MALRD1: variants seen among roughly 807,000 people sequenced by gnomAD.
MALRD1 encodes MAM and LDL receptor class A domain containing 1.
MALRD1 carries 247 observed loss-of-function variants against 242.1 expected under a neutral mutation model. That is an observed-to-expected ratio of 1.02 (90% CI 0.92 to 1.13). The LOEUF (loss-of-function observed/expected upper bound fraction) is 1.13, where lower values mean the gene tolerates loss of function less well. Among genes scored for constraint, MALRD1 ranks in the 50% most tolerant of loss-of-function variants. The pLI is 0.00. For synonymous variants in MALRD1, 995 were observed against 866.6 expected (o/e 1.15, Z -2.60); for missense variants, 2,989 against 2,533.1 (o/e 1.18, Z -3.86).
intron 36 of MALRD1, among the ~76,000 whole-genome samples, chr10:19,683,671 A>C (rs1024148219): frequency 6.6e-6 from 1 of 152,198 alleles, no homozygotes; most frequent in South Asian, 2.1e-4. Flanking sequence ...TTACAGCCAG[A>C]AATTTATTAT....
chr10:19,262,618 T>C (rs1016979194), intron 19 of MALRD1, among the ~76,000 whole-genome samples: 2 of 146,954 alleles, frequency 1.4e-5, no homozygotes, highest in African/African-American at 2.5e-5. Flanking sequence ...ATCATGCTAC[T>C]GCACTCCAGC....
intron 29 of MALRD1, among the ~76,000 whole-genome samples, chr10:19,459,233 G>A (rs1396897648): frequency 1.3e-5 from 2 of 152,108 alleles, no homozygotes; most frequent in Non-Finnish European, 2.9e-5. Flanking sequence ...ATAGTCTAAA[G>A]GTGTTAACCA....
chr10:19,451,909 A>G (rs566811989), intron 29 of MALRD1, among the ~76,000 whole-genome samples: 204 of 152,304 alleles, frequency 1.3e-3, no homozygotes, highest in African/African-American at 4.4e-3. Flanking sequence ...CCAGGTATCT[A>G]TGTCATGCAG....
chr10:19,219,008 G>T lies in MALRD1; in HGVS notation c.2991+9328G>T, dbSNP rs562851075. ...TTTTGACTGATGCAAATGTTACCCCGCCAGTCTGAAAAATGTGTTTATTTA... is the reference window on the plus strand; with the variant it reads ...TTTTGACTGATGCAAATGTTACCCCTCCAGTCTGAAAAATGTGTTTATTTA... On this transcript the variant is annotated intron_variant, in intron 18 of 39. Coordinates refer to ENST00000454679, the MANE Select transcript of MALRD1 (RefSeq NM_001142308.3). 7.2e-5 allele frequency among the ~76,000 whole-genome samples: 11 copies of T among 151,838 alleles called. No individual in the cohort carries two copies. In the South Asian group the frequency reaches 2.1e-3, roughly 29 times the overall value.
chr10:19,253,091 G>C (rs1839364154), intron 18 of MALRD1, among the ~76,000 whole-genome samples: 2 of 151,942 alleles, frequency 1.3e-5, no homozygotes, highest in Non-Finnish European at 2.9e-5. Flanking sequence ...GGCTAAAAGA[G>C]AGCTTCATGT....
chr10:19,244,565 A>T (rs1838954896), intron 18 of MALRD1, among the ~76,000 whole-genome samples: 1 of 146,112 alleles, frequency 6.8e-6, no homozygotes, highest in Non-Finnish European at 1.5e-5. Context: ...ACCCTGTTTC[A>T]AAAAAACAAA....
chr10:19,143,663 G>A (rs190267959), intron 10 of MALRD1, among the ~76,000 whole-genome samples: 1 of 152,320 alleles, frequency 6.6e-6, no homozygotes, highest in East Asian at 1.9e-4. Context: ...TGTGTTCTAG[G>A]AATTGGAGGT....
At chr10:19,558,144 T>G (rs1240662469) in intron 32 of MALRD1, among the ~76,000 whole-genome samples, 1 of 152,162 alleles carries the variant, frequency 6.6e-6, no homozygotes, top group Non-Finnish European at 1.5e-5. Flanking sequence ...AGGAAGTTTT[T>G]TGGTTGATTA....
intron 28 of MALRD1, among the ~76,000 whole-genome samples, chr10:19,403,107 G>T (rs1846941055): frequency 6.6e-6 from 1 of 152,072 alleles, no homozygotes; most frequent in Non-Finnish European, 1.5e-5. Flanking sequence ...AGATTTAGGG[G>T]AAATTGGAAG....
intron 35 of MALRD1, among the ~76,000 whole-genome samples, chr10:19,614,150 C>A (rs1485320491): frequency 6.6e-6 from 1 of 151,982 alleles, no homozygotes; most frequent in Non-Finnish European, 1.5e-5. Context: ...AGTCTCACAA[C>A]CCTATGAGAT....
intron 38 of MALRD1, among the ~76,000 whole-genome samples, chr10:19,702,991 AGTT>A (rs751665083): frequency 5.3e-5 from 8 of 152,130 alleles, no homozygotes; most frequent in African/African-American, 1.9e-4. Flanking sequence ...AGCCTCTTAA[AGTT>A]GTTGTTAGAG....
chr10:19,066,761 A>G lies in MALRD1; in HGVS notation c.242A>G (p.His81Arg). 2.4e-6 allele frequency: 3 copies of G among 1,233,734 alleles called. No individual in the cohort carries two copies. Among genetic ancestry groups the G allele is most frequent in the Non-Finnish European group, 3.0e-6 (3 of 988,008 alleles). The allele number at this position is 1,233,734 out of a possible 1,614,324, so 76.4% of individuals were successfully genotyped here. Reference sequence around the variant, plus strand: ...TGTGATTTTGAGGATGGTCTCTGTCATATGACTCAAGATCAGAGTCTGCAA... The same window carrying G: ...TGTGATTTTGAGGATGGTCTCTGTCGTATGACTCAAGATCAGAGTCTGCAA... ...ERCDFEDGLC[H>R]MTQDQSLQPS... is the part of the protein sequence containing the mutation. Residue 81 changes from histidine (H) to arginine (R), a missense_variant, in exon 2 of 40, where the codon CAT becomes CGT. By Grantham distance (29) the His-to-Arg change is conservative. Transcript: ENST00000454679.
At chr10:19,426,485 A>G (rs76386985) in intron 28 of MALRD1, among the ~76,000 whole-genome samples, 13,973 of 152,152 alleles carry the variant, frequency 0.092, 826 homozygotes, top group African/African-American at 0.16. Flanking sequence ...AATTTTTCCT[A>G]CTAGCCACAT....
At position 19,304,912 on chromosome 10, in the gene MALRD1, C is replaced by A. The variant is rs141785638; in HGVS notation, c.3420-19037C>A. ...AAGCATTCCTTTTTGTCAAGAAAAG[C>A]TTGAATTGGAGTTAATAGTACAGTA... is the stretch of plus-strand genomic sequence containing the variant. On this transcript the variant is annotated intron_variant, in intron 21 of 39. Coordinates refer to ENST00000454679, the MANE Select transcript of MALRD1 (RefSeq NM_001142308.3). Among the ~76,000 whole-genome samples the A allele has an allele frequency of 2.6e-5, 4 of 151,780 alleles. No homozygotes were observed. In the East Asian group the frequency reaches 7.8e-4, roughly 30 times the overall value.
chr10:19,670,331 G>T (rs1198782101), intron 36 of MALRD1, among the ~76,000 whole-genome samples: 1 of 152,096 alleles, frequency 6.6e-6, no homozygotes. Context: ...AAACCCATCA[G>T]CCAGCCTTCA....
At position 19,128,224 on chromosome 10, in the gene MALRD1, A is replaced by G. The variant is rs1588585535; in HGVS notation, c.947A>G (p.Tyr316Cys). The change falls in exon 8 of 40, where the codon TAT becomes TGT. Residue 316 changes from tyrosine to cysteine, a missense_variant. Physicochemically the swap from Tyr to Cys is radical, Grantham distance 194. Coordinates refer to ENST00000454679, the MANE Select transcript of MALRD1 (RefSeq NM_001142308.3). The stretch of plus-strand genomic sequence containing the variant: ...TCTTTTTTCTTTTATCTTTCAGGTT[A>G]TTATGTATGGGTAGGCGCTAAGCAT... ...QQDQGGDDEGYYVWVGAKHGF... is the reference protein window; with the variant it reads ...QQDQGGDDEGCYVWVGAKHGF... The G allele has an allele frequency of 4.9e-6, 6 of 1,233,158 alleles. No homozygotes were observed. Among genetic ancestry groups the G allele is most frequent in the Admixed American group, 4.2e-5 (1 of 23,678 alleles). 76.4% of individuals were successfully genotyped at this position (1,233,158 alleles called of 1,614,324 possible).
chr10:19,684,095 G>T (rs1020014162), intron 36 of MALRD1, among the ~76,000 whole-genome samples: 1 of 152,114 alleles, frequency 6.6e-6, no homozygotes, highest in Non-Finnish European at 1.5e-5. Context: ...CTTCATCCAC[G>T]TTCCTGAAAA....
chr10:19,110,992 G>T (rs186588296), intron 5 of MALRD1, among the ~76,000 whole-genome samples: 9 of 152,258 alleles, frequency 5.9e-5, no homozygotes, highest in Admixed American at 2.6e-4. Context: ...AAACACACAT[G>T]CTTGGGTGAT....
intron 21 of MALRD1, among the ~76,000 whole-genome samples, chr10:19,305,826 A>G (rs1197148539): frequency 7.3e-6 from 1 of 137,632 alleles, no homozygotes; most frequent in Non-Finnish European, 1.5e-5. Flanking sequence ...TGTATATACT[A>G]TATATACTAT....
Sources: allele counts gnomAD v4.1 joint callset (sites outside exome capture counted in the v4.1 genomes callset), GRCh38; gene constraint gnomAD v4.1.1; transcripts MANE v1.5; gene names NCBI Gene and HGNC (gene_info 2026-07-23, HGNC 2026-07-21).